NBAS: variants seen among roughly 807,000 people sequenced by gnomAD.
NBAS encodes the protein NAG/BC035112 fusion.
Under a neutral mutation model 302.5 loss-of-function variants are expected in NBAS, and 219 were observed. That is an observed-to-expected ratio of 0.72 (90% confidence interval 0.65 to 0.81). The LOEUF (loss-of-function observed/expected upper bound fraction) is 0.81. Among genes scored for constraint, NBAS ranks in the 30% least tolerant of loss-of-function variants. NBAS has a pLI of 0.00. For synonymous variants in NBAS, 1,118 were observed against 1,021.6 expected (o/e 1.09, Z -1.80); for missense variants, 2,932 against 2,841.6 (o/e 1.03, Z -0.72).
At chr2:15,124,447 G>A in the NBAS span, among the ~76,000 whole-genome samples, 2 of 152,222 alleles carry the variant, frequency 1.3e-5, no homozygotes, top group East Asian at 3.8e-4. Flanking sequence ...GGTAAAGAAA[G>A]AATCCAAGCA....
At chr2:15,022,180 G>A in the NBAS span, among the ~76,000 whole-genome samples, 8 of 152,146 alleles carry the variant, frequency 5.3e-5, no homozygotes, top group East Asian at 3.9e-4. Context: ...GCAGCCCAAC[G>A]CCCACCTTAA....
the NBAS span, among the ~76,000 whole-genome samples, chr2:15,009,716 A>ATATATG: frequency 6.8e-6 from 1 of 147,224 alleles, no homozygotes; most frequent in African/African-American, 2.5e-5. Flanking sequence ...ATATATATAT[A>ATATATG]TATACGGTGC....
the NBAS span, among the ~76,000 whole-genome samples, chr2:14,808,506 T>C: frequency 6.6e-6 from 1 of 152,160 alleles, no homozygotes; most frequent in African/African-American, 2.4e-5. Context: ...CTGATGGTGT[T>C]AAAAAGGGGA....
chr2:14,966,012 A>G, the NBAS span, among the ~76,000 whole-genome samples: 1 of 152,166 alleles, frequency 6.6e-6, no homozygotes, highest in African/African-American at 2.4e-5. Context: ...ACACAGAGAT[A>G]AAGAGACACA....
chr2:15,264,565 A>C (rs755597382), intron 44 of NBAS, among the ~76,000 whole-genome samples: 4 of 152,172 alleles, frequency 2.6e-5, no homozygotes, highest in Non-Finnish European at 4.4e-5. Flanking sequence ...AGTTAATCAC[A>C]ATCACCCCGG....
chr2:15,023,253 G>A, the NBAS span, among the ~76,000 whole-genome samples: 1 of 152,060 alleles, frequency 6.6e-6, no homozygotes, highest in Non-Finnish European at 1.5e-5. Flanking sequence ...TCATTTTTAA[G>A]AACTTTATAG....
the NBAS span, among the ~76,000 whole-genome samples, chr2:14,879,420 T>A: frequency 6.6e-6 from 1 of 152,172 alleles, no homozygotes; most frequent in Non-Finnish European, 1.5e-5. Flanking sequence ...CAAGTTCAAT[T>A]CAGGAGAAAA....
chr2:14,828,224 G>T, the NBAS span, among the ~76,000 whole-genome samples: 7 of 152,154 alleles, frequency 4.6e-5, no homozygotes, highest in African/African-American at 1.4e-4. Context: ...GACAATTTTA[G>T]AATGTGATGT....
Position 15,357,632 on chromosome 2 carries a change from C to A in NBAS, c.3818-1216G>T, listed in dbSNP as rs554925960. Among the ~76,000 whole-genome samples, 11 of 152,244 alleles carry A rather than the reference C, an allele frequency of 7.2e-5. 1 individual carries two copies. In the South Asian group the frequency reaches 1.5e-3, roughly 20 times the overall value. On this transcript the variant is annotated intron_variant, in intron 32 of 51. Transcript: ENST00000281513. The stretch of plus-strand genomic sequence containing the variant: ...CCCATGCCTCAGCCTCTCATTTAAA[C>A]ATGCATCAGGGATAATTTTTTCATT...
intron 44 of NBAS, among the ~76,000 whole-genome samples, chr2:15,273,257 A>AT (rs1669411817): frequency 6.6e-6 from 1 of 152,312 alleles, no homozygotes; most frequent in East Asian, 1.9e-4. Flanking sequence ...GGTTCCTTGG[A>AT]TTTTAAACTC....
the NBAS span, among the ~76,000 whole-genome samples, chr2:15,019,986 T>C: frequency 6.6e-6 from 1 of 152,178 alleles, no homozygotes. Context: ...TCTTCCTACA[T>C]AGCGTTAACA....
chr2:14,851,441 G>A, the NBAS span, among the ~76,000 whole-genome samples: 4 of 151,276 alleles, frequency 2.6e-5, no homozygotes, highest in African/African-American at 9.8e-5. Flanking sequence ...ATAATCAATA[G>A]TTTACCAACC....
At chr2:15,316,726 G>A (rs769176105) in intron 38 of NBAS, among the ~76,000 whole-genome samples, 6 of 152,276 alleles carry the variant, frequency 3.9e-5, no homozygotes, top group African/African-American at 9.6e-5. Flanking sequence ...GCCAGGAAGC[G>A]CGAAGTGGGA....
chr2:15,165,625 T>C (rs921980283), downstream of NBAS, among the ~76,000 whole-genome samples: 1 of 152,150 alleles, frequency 6.6e-6, no homozygotes, highest in African/African-American at 2.4e-5. Flanking sequence ...TATTCTTAAA[T>C]AGATGGGGAA....
Position 15,488,882 on chromosome 2 carries a change from C to T in NBAS, c.1083+12G>A. 3 of 1,613,190 alleles carry T rather than the reference C, an allele frequency of 1.9e-6. No homozygotes were observed. Among genetic ancestry groups the T allele is most frequent in the Non-Finnish European group, 2.5e-6 (3 of 1,179,438 alleles). ...CTTAAGAGAGTATCATTCTAATAACCAAGAGACGCACCTGCTCATTTTGAC... is the reference window on the plus strand; with the variant it reads ...CTTAAGAGAGTATCATTCTAATAACTAAGAGACGCACCTGCTCATTTTGAC... On this transcript the variant is annotated intron_variant, in intron 12 of 51. Transcript: ENST00000281513.
At chr2:15,422,285 T>C (rs1208779698) in intron 23 of NBAS, among the ~76,000 whole-genome samples, 1 of 152,212 alleles carries the variant, frequency 6.6e-6, no homozygotes, top group Non-Finnish European at 1.5e-5. Context: ...TTCCTCCATG[T>C]CTTCCATGGT....
the NBAS span, among the ~76,000 whole-genome samples, chr2:15,005,129 G>A: frequency 3.8e-4 from 58 of 152,180 alleles, no homozygotes; most frequent in Non-Finnish European, 7.5e-4. Flanking sequence ...ATTTTATCAT[G>A]GTAAGAATAC....
At chr2:14,803,574 G>A in the NBAS span, among the ~76,000 whole-genome samples, 3 of 152,196 alleles carry the variant, frequency 2.0e-5, no homozygotes, top group East Asian at 5.8e-4. Flanking sequence ...GATCACCATT[G>A]TTTCTTTCTG....
chr2:15,329,320 T>C (rs377040814), intron 36 of NBAS, among the ~76,000 whole-genome samples: 2 of 152,192 alleles, frequency 1.3e-5, no homozygotes, highest in South Asian at 2.1e-4. Flanking sequence ...CCATTGTTCT[T>C]AGGTCTCCTC....
Sources: allele counts gnomAD v4.1 joint callset (sites outside exome capture counted in the v4.1 genomes callset), GRCh38; gene constraint gnomAD v4.1.1; transcripts MANE v1.5; gene names NCBI Gene and HGNC (gene_info 2026-07-23, HGNC 2026-07-21).